Variants in ATP2B2 observed in about 807,000 individuals in gnomAD.
The protein encoded by ATP2B2 is ATPase plasma membrane Ca2+ transporting 2.
In ATP2B2, 15 loss-of-function variants were observed where a neutral mutation model predicts 120.0. The ratio of observed to expected loss-of-function variants is 0.12; its 90% CI spans 0.08 to 0.19. The LOEUF is 0.19. ATP2B2 is among the 10% of genes least tolerant of loss of function. The probability of loss-of-function intolerance (pLI) is 1.00; values close to 1 mark genes in which losing one functional copy is unlikely to be tolerated. For missense variants in ATP2B2, 1,045 were observed against 1,719.8 expected (o/e 0.61, Z 6.94); for synonymous variants, 694 against 700.3 (o/e 0.99, Z 0.14).
chr3:10,436,352 C>T (rs187173904), intron 2 of ATP2B2, among the ~76,000 whole-genome samples: 19 of 152,282 alleles, frequency 1.2e-4, no homozygotes, highest in East Asian at 3.9e-4. Context: ...GTAGAAATAC[C>T]GTATAATGGT....
At chr3:10,377,051 G>A (rs542102208) in intron 10 of ATP2B2, among the ~76,000 whole-genome samples, 2 of 152,290 alleles carry the variant, frequency 1.3e-5, no homozygotes, top group South Asian at 4.1e-4. Context: ...AGGCAGAGAT[G>A]GGCTGTGAAC....
intron 1 of ATP2B2, among the ~76,000 whole-genome samples, chr3:10,665,487 T>C (rs913682028): frequency 7.9e-5 from 12 of 152,076 alleles, no homozygotes; most frequent in Admixed American, 6.5e-4. Context: ...AACTGTGGGG[T>C]TCCTGGAATA....
intron 2 of ATP2B2, among the ~76,000 whole-genome samples, chr3:10,581,439 T>C (rs2068387389): frequency 6.6e-6 from 1 of 152,002 alleles, no homozygotes; most frequent in Non-Finnish European, 1.5e-5. Flanking sequence ...GCCAGAGAAC[T>C]GGGGCAAGGC....
intron 1 of ATP2B2, among the ~76,000 whole-genome samples, chr3:10,672,474 C>T (rs2071126056): frequency 6.6e-6 from 1 of 152,188 alleles, no homozygotes; most frequent in South Asian, 2.1e-4. Flanking sequence ...TCTTCTAGTT[C>T]CTGCTCTTTC....
chr3:10,549,228 G>C lies in ATP2B2; in HGVS notation c.-414-15095C>G, dbSNP rs906970207. Among the ~76,000 whole-genome samples, 5 of 152,188 alleles carry C rather than the reference G, an allele frequency of 3.3e-5. No individual in the cohort carries two copies. In the East Asian group the frequency reaches 9.6e-4, roughly 29 times the overall value. On this transcript the variant is annotated intron_variant, in intron 2 of 21. Transcript: ENST00000646379. ...GTTCTAGCATCACTAGGTAAGGTCAGATGCCCCTCCTCAGTGGCCCCCTTC... is the reference window on the plus strand; with the variant it reads ...GTTCTAGCATCACTAGGTAAGGTCACATGCCCCTCCTCAGTGGCCCCCTTC...
At chr3:10,334,138 G>A (rs957857010) in intron 22 of ATP2B2, among the ~76,000 whole-genome samples, 2 of 152,208 alleles carry the variant, frequency 1.3e-5, no homozygotes, top group Non-Finnish European at 2.9e-5. Context: ...ACTCGGGGAC[G>A]ACTTCCAAAG....
chr3:10,696,498 G>A (rs1300546574), intron 1 of ATP2B2, among the ~76,000 whole-genome samples: 3 of 151,882 alleles, frequency 2.0e-5, no homozygotes, highest in African/African-American at 4.8e-5. Context: ...TTTCCTCTCC[G>A]TGCCCACCTC....
intron 14 of ATP2B2, among the ~76,000 whole-genome samples, chr3:10,356,800 G>T (rs970019779): frequency 6.6e-6 from 1 of 152,192 alleles, no homozygotes; most frequent in Non-Finnish European, 1.5e-5. Context: ...TGTCCCACAG[G>T]GAGGCTGATA....
chr3:10,427,170 A>G (rs542875491), intron 2 of ATP2B2, among the ~76,000 whole-genome samples: 8 of 152,296 alleles, frequency 5.3e-5, no homozygotes, highest in African/African-American at 1.7e-4. Context: ...TCTCTCTTTC[A>G]ATCCCTGGTC....
At chr3:10,661,027 G>A (rs575889132) in intron 1 of ATP2B2, among the ~76,000 whole-genome samples, 82 of 152,260 alleles carry the variant, frequency 5.4e-4, no homozygotes, top group Admixed American at 7.2e-4. Flanking sequence ...TGCAGAAAAG[G>A]CCTTTGACAC....
At chr3:10,476,603 G>T (rs1200891364) in intron 1 of ATP2B2, among the ~76,000 whole-genome samples, 1 of 152,260 alleles carries the variant, frequency 6.6e-6, no homozygotes, top group Non-Finnish European at 1.5e-5. Context: ...GCATGGCACA[G>T]GATCCTGTAG....
intron 2 of ATP2B2, chr3:10,566,363 C>T (rs777357337): frequency 1.2e-4 from 18 of 152,196 alleles, no homozygotes; most frequent in Non-Finnish European, 1.9e-4. Flanking sequence ...GGCTCTTGGT[C>T]CCATTGGATC....
In ATP2B2 at chr3:10,442,413, C is replaced by T. The variant is rs79859804; in HGVS notation, c.199+6932G>A. 2.0e-3 allele frequency among the ~76,000 whole-genome samples: 307 copies of T among 152,318 alleles called. 2 individuals carry two copies. Among genetic ancestry groups the T allele is most frequent in the African/African-American group, 6.5e-3 (269 of 41,570 alleles). On this transcript the variant is annotated intron_variant, in intron 2 of 22. Coordinates refer to ENST00000360273, the MANE Select transcript of ATP2B2 (RefSeq NM_001001331.4). ...CTGTCCCGTGCTCTCCCTGCCACCC[C>T]GTGGCCTGCAGAATTATTTGCCCAG...
In ATP2B2 at chr3:10,328,530, T is replaced by C. The variant is rs2059900293; in HGVS notation, c.*284A>G. 9.0e-6 allele frequency: 4 copies of C among 445,194 alleles called. No individual in the cohort carries two copies. Among genetic ancestry groups the C allele is most frequent in the Non-Finnish European group, 1.6e-5 (4 of 247,808 alleles). The allele number at this position is 445,194 out of a possible 1,614,324, so 27.6% of individuals were successfully genotyped here. A position where few individuals can be genotyped will look rare whatever the true frequency, so the allele number is the denominator to read the frequency against. On this transcript the variant is annotated 3_prime_UTR_variant, in exon 23 of 23. Coordinates refer to ENST00000360273, the MANE Select transcript of ATP2B2 (RefSeq NM_001001331.4). ...GCTGGGCGGGTGCATGGCTGGTCCA[T>C]GTCTGGGTGGGAGCCAGGAAGGGCT...
chr3:10,578,560 A>G (rs1157129326), intron 2 of ATP2B2, among the ~76,000 whole-genome samples: 1 of 150,982 alleles, frequency 6.6e-6, no homozygotes, highest in Non-Finnish European at 1.5e-5. Flanking sequence ...AAAAAAAAAC[A>G]AAAAGAAAAA....
intron 1 of ATP2B2, among the ~76,000 whole-genome samples, chr3:10,479,861 C>A (rs1416702215): frequency 2.0e-5 from 3 of 152,078 alleles, no homozygotes; most frequent in African/African-American, 7.2e-5. Flanking sequence ...TTTAGGAGGC[C>A]AAGGTGATTG....
intron 2 of ATP2B2, among the ~76,000 whole-genome samples, chr3:10,574,074 A>G (rs2068189859): frequency 6.6e-6 from 1 of 151,942 alleles, no homozygotes; most frequent in Non-Finnish European, 1.5e-5. Flanking sequence ...GGGTCCTTTT[A>G]TTGCTTCTCC....
intron 2 of ATP2B2, among the ~76,000 whole-genome samples, chr3:10,561,183 T>C (rs2067896323): frequency 6.6e-6 from 1 of 152,148 alleles, no homozygotes; most frequent in South Asian, 2.1e-4. Flanking sequence ...AGAGCTCCTG[T>C]GAGTAGAGAA....
intron 1 of ATP2B2, chr3:10,620,011 C>T (rs574386910): frequency 1.3e-5 from 2 of 152,412 alleles, no homozygotes; most frequent in Admixed American, 6.5e-5. Context: ...TTGTATTTTC[C>T]AAGTCACAAA....
Sources: gnomAD v4.1 joint callset for allele counts (sites outside exome capture counted in the v4.1 genomes callset) on GRCh38, gnomAD v4.1.1 for gene constraint, MANE v1.5 for transcripts, NCBI Gene and HGNC (gene_info 2026-07-23, HGNC 2026-07-21) for gene names.